CMTM1: variants seen among roughly 807,000 people sequenced by gnomAD.
The protein encoded by CMTM1 is CKLF-like MARVEL transmembrane domain-containing protein 1.
In CMTM1, 16 loss-of-function variants were observed where a neutral mutation model predicts 17.8. The observed-to-expected ratio is 0.90, with a 90% CI of 0.61 to 1.37. The LOEUF is 1.37. Ranked by LOEUF, CMTM1 falls within the 40% of genes most tolerant of loss-of-function variation. The pLI is 0.00. For missense variants in CMTM1, 354 were observed against 375.6 expected (o/e 0.94, Z 0.47); for synonymous variants, 169 against 154.6 (o/e 1.09, Z -0.69).
At chr16:66,578,544 G>A (rs2014547904) in intron 3 of CMTM1, among the ~76,000 whole-genome samples, 1 of 152,280 alleles carries the variant, frequency 6.6e-6, no homozygotes, top group South Asian at 2.1e-4. Context: ...CCTACCTGCA[G>A]CCACCTAGGG....
chr16:66,577,201 G>A lies in CMTM1; in HGVS notation c.689G>A (p.Gly230Glu), dbSNP rs750507160. Residue 230 changes from glycine to glutamate, a missense_variant and splice_region_variant, in exon 3 of 4, where the codon GGG becomes GAG. Physicochemically the swap from Gly to Glu is moderately conservative, Grantham distance 98. Coordinates refer to ENST00000379500, the MANE Select transcript of CMTM1 (RefSeq NM_052999.4). Reference sequence around the variant, plus strand: ...AGAAGGCATTTACTCTATGTCGGGGGGGTAAGTAGAGGCCTTCATGACTCC... The same window carrying A: ...AGAAGGCATTTACTCTATGTCGGGGAGGTAAGTAGAGGCCTTCATGACTCC... ...KKRRHLLYVG[G>E]SLCLTAVIVC... 6 of 1,612,906 alleles carry A rather than the reference G, an allele frequency of 3.7e-6. No individual in the cohort carries two copies. The Admixed American group carries it at 8.3e-5, about 22-fold the overall frequency.
chr16:66,578,952 A>G lies in CMTM1; in HGVS notation c.812A>G (p.Lys271Arg). The part of the protein sequence containing the change: ...VEVERKLSPA[K>R]DAYPETGPDA... ...GTTGAAAGGAAGCTTTCCCCCGCCA[A>G]GGACGCCTACCCCGAAACCGGCCCC... The change falls in exon 4 of 4, where the codon AAG (lysine) becomes AGG (arginine). Residue 271 changes from lysine to arginine, a missense_variant. Lys to Arg is a conservative substitution (Grantham distance 26). Transcript: ENST00000379500. The G allele has an allele frequency of 6.2e-7, 1 of 1,614,112 alleles. No individual in the cohort carries two copies. The highest frequency in any genetic ancestry group is 8.5e-7 in the Non-Finnish European group (1 of 1,180,016).
intron 2 of CMTM1, among the ~76,000 whole-genome samples, chr16:66,574,185 G>T (rs968548557): frequency 6.6e-6 from 1 of 152,154 alleles, no homozygotes; most frequent in Non-Finnish European, 1.5e-5. Context: ...AGTCAATAAG[G>T]TATTTAGCGG....
rs942279476 is a variant in CMTM1 at position 66,571,001 on chromosome 16, T to C, written c.591+907T>C. On this transcript the variant is annotated intron_variant, in intron 2 of 3. Coordinates refer to ENST00000379500, the MANE Select transcript of CMTM1 (RefSeq NM_052999.4). The stretch of plus-strand genomic sequence containing the variant: ...AATCCTAATTCAGAGCTTAGGCCTC[T>C]TCCACATCCCACTTCCTTATAGAAC... 9 of 382,256 alleles carry C rather than the reference T, an allele frequency of 2.4e-5. No homozygotes were observed. The Admixed American group carries it at 2.4e-4, about 10-fold the overall frequency. 23.7% of individuals were successfully genotyped at this position (382,256 alleles called of 1,614,324 possible).
In CMTM1 at chr16:66,566,636, G is replaced by A. The variant is rs1221985463; in HGVS notation, c.123G>A (p.Gln41=). 1.2e-6 allele frequency: 2 copies of A among 1,613,978 alleles called. No homozygotes were observed. Among genetic ancestry groups the A allele is most frequent in the Non-Finnish European group, 1.7e-6 (2 of 1,180,010 alleles). The part of the protein sequence containing the change: ...GSVVSSVPKA[Q]RNISAKTAPR... ...TAGTGAGTTCTGTACCCAAGGCACA[G>A]CGCAACATCTCAGCGAAGACCGCAC... The change falls in exon 1 of 4, where the codon CAG becomes CAA. Residue 41 remains glutamine, a synonymous_variant. Coordinates refer to ENST00000379500, the MANE Select transcript of CMTM1 (RefSeq NM_052999.4). This position sits in a 1 kb window ranked among gnomAD's most constrained non-coding sequence, Gnocchi z 4.9.
At position 66,566,671 on chromosome 16, in the gene CMTM1, ACCC is replaced by A; in HGVS notation, c.160_162del (p.Pro54del). The A allele has an allele frequency of 6.2e-7, 1 of 1,613,912 alleles. No individual in the cohort carries two copies. The highest frequency in any genetic ancestry group is 8.5e-7 in the Non-Finnish European group (1 of 1,179,962). ...TCAGCGAAGACCGCACCCCGGAAGCACCCCGCAGTCTCAATTCGCAGTGCGCAG... is the reference window on the plus strand; with the variant it reads ...TCAGCGAAGACCGCACCCCGGAAGCACGCAGTCTCAATTCGCAGTGCGCAG... On this transcript the variant is annotated inframe_deletion, in exon 1 of 4. Transcript: ENST00000379500. This position sits in a 1 kb window ranked among gnomAD's most constrained non-coding sequence, Gnocchi z 4.9.
intron 3 of CMTM1, among the ~76,000 whole-genome samples, chr16:66,578,406 C>T (rs1426865159): frequency 6.6e-6 from 1 of 152,202 alleles, no homozygotes; most frequent in African/African-American, 2.4e-5. Flanking sequence ...AGGTCCTGGC[C>T]ACACCAGATT....
At chr16:66,577,387 C>T (rs910185664) in intron 3 of CMTM1, among the ~76,000 whole-genome samples, 185 bp downstream of exon 3, 1 of 152,212 alleles carries the variant, frequency 6.6e-6, no homozygotes, top group African/African-American at 2.4e-5. Context: ...AATCTTAATT[C>T]TAACATGCAT....
At position 66,577,202 on chromosome 16, in the gene CMTM1, G is replaced by A. The variant is rs141489184; in HGVS notation, c.690G>A (p.Gly230=). ...GAAGGCATTTACTCTATGTCGGGGG[G>A]GTAAGTAGAGGCCTTCATGACTCCA... ...KKRRHLLYVG[G]SLCLTAVIVC... The change falls in exon 3 of 4, where the codon GGG becomes GGA. Residue 230 remains glycine, a splice_region_variant and synonymous_variant. Transcript: ENST00000379500. The A allele has an allele frequency of 4.7e-4, 759 of 1,610,448 alleles. No individual in the cohort carries two copies. Among genetic ancestry groups the A allele is most frequent in the Non-Finnish European group, 5.8e-4 (681 of 1,177,254 alleles).
At chr16:66,574,712 G>A (rs2014007856) in intron 2 of CMTM1, among the ~76,000 whole-genome samples, 2 of 152,122 alleles carry the variant, frequency 1.3e-5, no homozygotes, top group Admixed American at 1.3e-4. Flanking sequence ...CCTGGTCTGT[G>A]GTTGGTTTAT....
Position 66,578,924 on chromosome 16 carries a change from G to C in CMTM1, c.784G>C (p.Glu262Gln). 1 of 1,614,132 alleles carries C rather than the reference G, an allele frequency of 6.2e-7. No individual in the cohort carries two copies. Among genetic ancestry groups the C allele is most frequent in the Non-Finnish European group, 8.5e-7 (1 of 1,180,030 alleles). ...RTNLKRFLGVEVERKLSPAKD... is the reference protein window; with the variant it reads ...RTNLKRFLGVQVERKLSPAKD... ...CAACTTGAAAAGATTCCTGGGAGTC[G>C]AAGTTGAAAGGAAGCTTTCCCCCGC... is the stretch of plus-strand genomic sequence containing the variant. The change falls in exon 4 of 4, where the codon GAA becomes CAA. Residue 262 changes from glutamate (E) to glutamine (Q), a missense_variant. Transcript: ENST00000379500.
intron 2 of CMTM1, among the ~76,000 whole-genome samples, chr16:66,571,469 G>C (rs2013524620): frequency 6.6e-6 from 1 of 152,170 alleles, no homozygotes; most frequent in Non-Finnish European, 1.5e-5. Flanking sequence ...ACTCAGATAT[G>C]CACCCAGGTC....
intron 2 of CMTM1, chr16:66,571,115 C>T (rs1377111029): frequency 2.2e-6 from 1 of 454,650 alleles, no homozygotes; most frequent in Non-Finnish European, 4.4e-6. Context: ...TCAAAGGCTG[C>T]TGAGCTCTCT....
chr16:66,570,651 G>A (rs936879402), intron 2 of CMTM1, among the ~76,000 whole-genome samples: 1 of 152,120 alleles, frequency 6.6e-6, no homozygotes, highest in Non-Finnish European at 1.5e-5. Flanking sequence ...TTTGCCAACT[G>A]AACAATTGCT....
chr16:66,569,846 A>C, intron 1 of CMTM1, 90 bp from the exon 2 acceptor site: 1 of 900,964 alleles, frequency 1.1e-6, no homozygotes, highest in East Asian at 2.5e-5. Flanking sequence ...AATACAGGCC[A>C]CTGTACTGTG....
At position 66,578,877 on chromosome 16, in the gene CMTM1, T is replaced by C; in HGVS notation, c.737T>C (p.Val246Ala). Residue 246 changes from valine (V) to alanine (A), a missense_variant, in exon 4 of 4, where the codon GTG becomes GCG. Coordinates refer to ENST00000379500, the MANE Select transcript of CMTM1 (RefSeq NM_052999.4). ...AVIVCCIDAF[V>A]VTTKMRTNLK... is the part of the protein sequence containing the mutation. ...ATCGTGTGTTGCATCGATGCGTTTG[T>C]GGTCACCACGAAGATGAGGACCAAC... The C allele has an allele frequency of 6.2e-7, 1 of 1,614,206 alleles. No homozygotes were observed. The highest frequency in any genetic ancestry group is 1.1e-5 in the South Asian group (1 of 91,086).
At chr16:66,573,025 T>C (rs1023031731) in intron 2 of CMTM1, among the ~76,000 whole-genome samples, 2 of 152,148 alleles carry the variant, frequency 1.3e-5, no homozygotes, top group African/African-American at 4.8e-5. Flanking sequence ...GATGGACCCA[T>C]ACTCAGTCTC....
intron 2 of CMTM1, among the ~76,000 whole-genome samples, chr16:66,576,398 C>CA (rs35863508): frequency 8.1e-4 from 108 of 133,450 alleles, no homozygotes; most frequent in Middle Eastern, 3.8e-3. Flanking sequence ...AACTCTGTCT[C>CA]AAAAAAAAAA....
chr16:66,569,450 G>A (rs1401141691), intron 1 of CMTM1, among the ~76,000 whole-genome samples: 1 of 152,196 alleles, frequency 6.6e-6, no homozygotes, highest in Admixed American at 6.5e-5. Flanking sequence ...GAAGAGAACA[G>A]TCTCAAGAGA....
Sources: gnomAD v4.1 joint callset for allele counts (sites outside exome capture counted in the v4.1 genomes callset) on GRCh38, gnomAD v4.1.1 for gene constraint, Gnocchi (gnomAD v3.1) non-coding constraint, MANE v1.5 for transcripts, NCBI Gene and HGNC (gene_info 2026-07-23, HGNC 2026-07-21) for gene names.